The following LIMS1 variants were observed in gnomAD, a reference collection of about 807,000 sequenced individuals.
LIMS1 encodes the protein LIM zinc finger domain containing 1.
LIMS1 carries 18 observed loss-of-function variants against 44.1 expected under a neutral mutation model. The ratio of observed to expected loss-of-function variants is 0.41; its 90% CI spans 0.28 to 0.61. LIMS1 has a LOEUF of 0.61. Ranked by LOEUF, LIMS1 falls within the 20% of genes least tolerant of loss-of-function variation. The pLI is 0.32. For missense variants in LIMS1, 201 were observed against 422.0 expected (o/e 0.48, Z 4.59); for synonymous variants, 93 against 149.1 (o/e 0.62, Z 2.74).
chr2:108,544,403 T>C (rs1196952068), intron 1 of LIMS1, among the ~76,000 whole-genome samples: 12 of 152,240 alleles, frequency 7.9e-5, no homozygotes, highest in Admixed American at 7.9e-4. Context: ...ATCTATGCTT[T>C]TTAATTTTTT....
intron 1 of LIMS1, among the ~76,000 whole-genome samples, chr2:108,641,194 T>G (rs965857551): frequency 2.0e-5 from 3 of 152,366 alleles, no homozygotes; most frequent in Middle Eastern, 3.4e-3. Context: ...GGGTGCCTGC[T>G]AGTTTTCTTC....
At chr2:108,595,161 G>A (rs1686608046) in intron 1 of LIMS1, among the ~76,000 whole-genome samples, 1 of 152,098 alleles carries the variant, frequency 6.6e-6, no homozygotes, top group Non-Finnish European at 1.5e-5. Flanking sequence ...CCACAGGAAG[G>A]CCCTGTGGTG....
At chr2:108,611,094 T>C (rs1553459600) in intron 1 of LIMS1, among the ~76,000 whole-genome samples, 1 of 152,246 alleles carries the variant, frequency 6.6e-6, no homozygotes, top group Non-Finnish European at 1.5e-5. Flanking sequence ...ATAACCATTT[T>C]CTGACTAGCA....
intron 1 of LIMS1, among the ~76,000 whole-genome samples, chr2:108,569,139 C>T (rs1332742308): frequency 1.3e-5 from 2 of 152,176 alleles, no homozygotes; most frequent in African/African-American, 4.8e-5. Context: ...GATCTGCCTA[C>T]CTCATCCTCC....
chr2:108,583,847 A>G (rs570671442), intron 1 of LIMS1, among the ~76,000 whole-genome samples: 1 of 151,654 alleles, frequency 6.6e-6, no homozygotes, highest in South Asian at 2.1e-4. Context: ...GGCGCCCACC[A>G]CCACGCCTGG....
intron 1 of LIMS1, among the ~76,000 whole-genome samples, chr2:108,617,740 A>G (rs944721385): frequency 7.2e-5 from 11 of 152,202 alleles, no homozygotes; most frequent in Admixed American, 2.0e-4. Flanking sequence ...TAGTCCTGCC[A>G]GTGATCCTTC....
chr2:108,546,407 A>G (rs948995930), intron 1 of LIMS1, among the ~76,000 whole-genome samples: 7 of 151,114 alleles, frequency 4.6e-5, no homozygotes, highest in Non-Finnish European at 7.4e-5. Flanking sequence ...TCAGCCTCCC[A>G]AAATGCTGGG....
rs561439042 is a variant in LIMS1, at chr2:108,600,715, G to A, written c.33-58890G>A. Among the ~76,000 whole-genome samples, 36 of 152,150 alleles carry A rather than the reference G, an allele frequency of 2.4e-4. 1 individual carries two copies. The highest frequency in any genetic ancestry group is 1.0e-3 in the Admixed American group (16 of 15,284). On this transcript the variant is annotated intron_variant, in intron 1 of 9. Transcript: ENST00000544547. ...ATTTTGTTTCTGGGTTCTCTATTCC[G>A]TTCCATTGGTCTATATGTGTGTTTT...
intron 1 of LIMS1, among the ~76,000 whole-genome samples, chr2:108,551,505 A>G (rs962985851): frequency 7.1e-6 from 1 of 140,316 alleles, no homozygotes; most frequent in Non-Finnish European, 1.5e-5. Context: ...ACACACACAC[A>G]CACACACACA....
rs561379269 is a variant in LIMS1 at position 108,553,826 on chromosome 2, CCAGGATT to C, written c.32+19233_32+19239del. 5.3e-3 allele frequency among the ~76,000 whole-genome samples: 812 copies of C among 152,198 alleles called. 5 individuals are homozygous for C. The highest frequency in any genetic ancestry group is 9.5e-3 in the Non-Finnish European group (649 of 68,008). On this transcript the variant is annotated intron_variant, in intron 1 of 9. Transcript: ENST00000544547. ...CTGAGATCATTTTCAATCTGAACAT[CCAGGATT>C]TGTGAGAATTACAGAGTTCTCTGGT...
At chr2:108,581,372 A>G (rs113130837) in intron 1 of LIMS1, among the ~76,000 whole-genome samples, 26 of 152,296 alleles carry the variant, frequency 1.7e-4, no homozygotes, top group African/African-American at 5.1e-4. Context: ...ATTTCAAATC[A>G]ATCAAATAAT....
chr2:108,680,386 AATT>A (rs1473520013), intron 8 of LIMS1, among the ~76,000 whole-genome samples: 6 of 137,956 alleles, frequency 4.3e-5, no homozygotes, highest in Non-Finnish European at 9.8e-5. Flanking sequence ...AAAAAAAAAA[AATT>A]AGCCAGGTGT....
At chr2:108,602,847 C>T (rs1687082736) in intron 1 of LIMS1, among the ~76,000 whole-genome samples, 1 of 152,170 alleles carries the variant, frequency 6.6e-6, no homozygotes, top group Non-Finnish European at 1.5e-5. Flanking sequence ...TTCACTGAAA[C>T]CTCAACCTAC....
intron 1 of LIMS1, chr2:108,607,189 G>A (rs1307004307): frequency 9.0e-6 from 14 of 1,550,424 alleles, no homozygotes; most frequent in Non-Finnish European, 1.1e-5. Flanking sequence ...TGCCATCTAT[G>A]AGCATGGAGA....
At chr2:108,635,954 C>A (rs1253638650) in intron 1 of LIMS1, among the ~76,000 whole-genome samples, 1 of 152,168 alleles carries the variant, frequency 6.6e-6, no homozygotes, top group East Asian at 1.9e-4. Flanking sequence ...CTGCCTCTGT[C>A]GGCCTGGGTC....
intron 2 of LIMS1, among the ~76,000 whole-genome samples, chr2:108,661,930 A>G (rs984200847): frequency 2.6e-5 from 4 of 152,110 alleles, no homozygotes; most frequent in Admixed American, 2.6e-4. Context: ...GTCTGATAAC[A>G]TAGCAGGTTT....
At chr2:108,657,381 C>T (rs1690950870) in intron 1 of LIMS1, among the ~76,000 whole-genome samples, 2 of 152,296 alleles carry the variant, frequency 1.3e-5, no homozygotes, top group African/African-American at 4.8e-5. Context: ...AACAACAGAG[C>T]CATATATATG....
intron 1 of LIMS1, among the ~76,000 whole-genome samples, chr2:108,639,306 C>T (rs753732296): frequency 1.1e-4 from 17 of 152,184 alleles, no homozygotes; most frequent in Non-Finnish European, 2.4e-4. Context: ...AAAAAAGGGA[C>T]AGTGGTATTC....
At chr2:108,676,913 T>C in intron 7 of LIMS1, 1 of 541,352 alleles carries the variant, frequency 1.8e-6, no homozygotes, top group East Asian at 3.3e-5. Flanking sequence ...GTTTGCTTTA[T>C]CATTTCCCAA....
Sources: gnomAD v4.1 joint callset for allele counts (sites outside exome capture counted in the v4.1 genomes callset) on GRCh38, gnomAD v4.1.1 for gene constraint, MANE v1.5 for transcripts, NCBI Gene and HGNC (gene_info 2026-07-23, HGNC 2026-07-21) for gene names.